The following CABYR variants were observed in gnomAD, a reference collection of about 807,000 sequenced individuals.
The protein encoded by CABYR is calcium binding tyrosine phosphorylation regulated, also known as calcium-binding tyrosine phosphorylation-regulated protein.
Under a neutral mutation model 36.1 loss-of-function variants are expected in CABYR, and 31 were observed. The ratio of observed to expected loss-of-function variants is 0.86; its 90% CI spans 0.64 to 1.16. CABYR has a LOEUF of 1.16. Among genes scored for constraint, CABYR ranks in the 50% most tolerant of loss-of-function variants. CABYR has a pLI of 0.00. For synonymous variants in CABYR, 146 were observed against 160.7 expected, an observed-to-expected ratio of 0.91 and a Z score of 0.69; for missense variants, 429 against 455.8, an observed-to-expected ratio of 0.94 and a Z score of 0.53.
rs2085906728 is a variant in CABYR, at chr18:24,159,945, G to GAAGA, written c.1016_1019dup (p.Asp340GlufsTer5). 1 of 1,614,004 alleles carries GAAGA rather than the reference G, an allele frequency of 6.2e-7. No homozygotes were observed. Among genetic ancestry groups the GAAGA allele is most frequent in the African/African-American group, 1.3e-5 (1 of 74,898 alleles). On this transcript the variant is annotated frameshift_variant, in exon 5 of 6. Coordinates refer to ENST00000399496, the MANE Select transcript of CABYR (RefSeq NM_153769.3). LOFTEE classifies it high-confidence loss of function. The stretch of plus-strand genomic sequence containing the variant: ...TTTCCTTTCTGTTGCTTTCCCAGTA[G>GAAGA]AAGATGTAGCTAAAAAAAGTTCAGG...
At chr18:24,156,935 C>T (rs775180815) in intron 4 of CABYR, 2 of 1,612,332 alleles carry the variant, frequency 1.2e-6, no homozygotes, top group Non-Finnish European at 1.7e-6. Context: ...CTCCAGAAGG[C>T]CTTACTGCAC....
Position 24,149,698 on chromosome 18 carries a change from C to T in CABYR, c.200-6003C>T, listed in dbSNP as rs548930825. On this transcript the variant is annotated intron_variant, in intron 3 of 5. Coordinates refer to ENST00000399496, the MANE Select transcript of CABYR (RefSeq NM_153769.3). ...GGGCTGCAGGTCCCGAGCCCTGCCC[C>T]GCAGGAAGGCAGCTAAGGCCCGGCG... 1.6e-3 allele frequency among the ~76,000 whole-genome samples: 239 copies of T among 152,350 alleles called. 1 individual carries two copies. Among genetic ancestry groups the T allele is most frequent in the African/African-American group, 4.6e-3 (193 of 41,594 alleles).
intron 1 of CABYR, among the ~76,000 whole-genome samples, chr18:24,141,332 A>G (rs1310443198): frequency 1.3e-5 from 2 of 152,328 alleles, no homozygotes; most frequent in African/African-American, 4.8e-5. Flanking sequence ...GAACTATGCC[A>G]CTTAACCCCG....
At chr18:24,156,801 G>A in intron 4 of CABYR, 2 of 1,614,130 alleles carry the variant, frequency 1.2e-6, no homozygotes, top group Non-Finnish European at 1.7e-6. Flanking sequence ...TACTGGGCAG[G>A]AGGAGTCTGG....
intron 3 of CABYR, chr18:24,150,768 G>GTTTTTTTTTT (rs145208159): frequency 8.1e-6 from 1 of 123,096 alleles, no homozygotes. Flanking sequence ...CAGTTTTTTT[G>GTTTTTTTTTT]TTTTTTTGTT....
intron 4 of CABYR, among the ~76,000 whole-genome samples, chr18:24,158,320 CTT>C (rs111636953): frequency 1.4e-4 from 18 of 132,920 alleles, no homozygotes; most frequent in Admixed American, 2.2e-4. Flanking sequence ...AGTATTATTT[CTT>C]TTTTTTTTTT....
chr18:24,146,514 A>G lies in CABYR; in HGVS notation c.199+3101A>G, dbSNP rs147053867. On this transcript the variant is annotated intron_variant, in intron 3 of 5. Transcript: ENST00000399496. ...CAGTGACCCAAGATTGCACCACTGC[A>G]CTAAAGCCTAGGTGACAGAGCAAGA... Among the ~76,000 whole-genome samples the G allele has an allele frequency of 4.3e-4, 66 of 152,192 alleles. No individual in the cohort carries two copies. In the East Asian group the frequency reaches 0.012, roughly 28 times the overall value.
At chr18:24,160,371 G>A (rs568722000) in intron 5 of CABYR, 4 of 306,874 alleles carry the variant, frequency 1.3e-5, no homozygotes, top group African/African-American at 6.5e-5. Flanking sequence ...TGGTAGATGC[G>A]AAAAGGGGAT....
intron 3 of CABYR, among the ~76,000 whole-genome samples, chr18:24,149,574 G>T (rs1337406416): frequency 6.6e-6 from 1 of 152,248 alleles, no homozygotes; most frequent in Non-Finnish European, 1.5e-5. Flanking sequence ...CCCTTGGGTG[G>T]TCGATGGGAC....
chr18:24,149,411 T>C (rs969212815), intron 3 of CABYR, among the ~76,000 whole-genome samples: 7 of 152,112 alleles, frequency 4.6e-5, no homozygotes, highest in Non-Finnish European at 1.0e-4. Flanking sequence ...AGAGTGCCGA[T>C]TGGTGTACTT....
Position 24,143,077 on chromosome 18 carries a change from T to A in CABYR, c.-24-14T>A, listed in dbSNP as rs753891668. 1 of 1,541,528 alleles carries A rather than the reference T, an allele frequency of 6.5e-7. No individual in the cohort carries two copies. The highest frequency in any genetic ancestry group is 1.3e-5 in the South Asian group (1 of 79,750). On this transcript the variant is annotated splice_polypyrimidine_tract_variant and intron_variant, in intron 1 of 5. Transcript: ENST00000399496. ...GTAAAACTAATTACTTCTAAGACTT[T>A]TTCTTCATTCTAGTTGAGTTACAGA...
At chr18:24,140,261 A>C (rs979168900) in intron 1 of CABYR, 2 of 152,152 alleles carry the variant, frequency 1.3e-5, no homozygotes, top group African/African-American at 4.8e-5. Context: ...CTATCTACTC[A>C]CTTTGGGTAC....
chr18:24,161,009 C>T lies in CABYR; in HGVS notation c.*-507C>T, dbSNP rs1253650877. ...TGAAAAGTTCAATGGGAAGCCAGCA[C>T]AAGTGTTTTAAGCAGAAGAATGACT... On this transcript the variant is annotated intron_variant, in intron 5 of 5. Transcript: ENST00000399496. 2.0e-5 allele frequency: 3 copies of T among 152,908 alleles called. No individual in the cohort carries two copies. The East Asian group carries it at 5.7e-4, about 29-fold the overall frequency. The allele number at this position is 152,908 out of a possible 1,614,324, so 9.5% of individuals were successfully genotyped here.
rs2085903355 is a variant in CABYR, at chr18:24,159,862, G to A, written c.932G>A (p.Ser311Asn). The change falls in exon 5 of 6, where the codon AGT becomes AAT. Residue 311 changes from serine to asparagine, a missense_variant. Coordinates refer to ENST00000399496, the MANE Select transcript of CABYR (RefSeq NM_153769.3). ...ADEKYQKHTL[S>N]PQNANPPSGQ... ...GAGAAATACCAGAAACATACCCTAA[G>A]TCCCCAGAATGCTAATCCTCCAAGT... 4 of 1,614,112 alleles carry A rather than the reference G, an allele frequency of 2.5e-6. No individual in the cohort carries two copies. Among genetic ancestry groups the A allele is most frequent in the Non-Finnish European group, 3.4e-6 (4 of 1,180,034 alleles).
intron 3 of CABYR, among the ~76,000 whole-genome samples, chr18:24,147,667 T>TTATCTAGTAGCTGTAAATCTTA (rs2085494003): frequency 6.6e-6 from 1 of 152,018 alleles, no homozygotes; most frequent in Non-Finnish European, 1.5e-5. Flanking sequence ...TACAGATACA[T>TTATCTAGTAGCTGTAAATCTTA]TATCTAGTAG....
At chr18:24,148,884 T>C (rs2085527412) in intron 3 of CABYR, among the ~76,000 whole-genome samples, 1 of 151,988 alleles carries the variant, frequency 6.6e-6, no homozygotes, top group Non-Finnish European at 1.5e-5. Flanking sequence ...AGTGGCAAAA[T>C]TTATTGCAAA....
intron 3 of CABYR, chr18:24,148,637 CCTT>C (rs2085519524): frequency 1.3e-5 from 2 of 153,318 alleles, no homozygotes; most frequent in Admixed American, 6.5e-5. Flanking sequence ...GGAGTTTGCT[CCTT>C]CTGACGTTCG....
chr18:24,157,304 C>A (rs2085816732), intron 4 of CABYR, among the ~76,000 whole-genome samples: 1 of 152,132 alleles, frequency 6.6e-6, no homozygotes, highest in African/African-American at 2.4e-5. Flanking sequence ...AAAATATATT[C>A]ATGTGATCTG....
chr18:24,147,430 T>G (rs1044576637), intron 3 of CABYR, among the ~76,000 whole-genome samples: 3 of 152,182 alleles, frequency 2.0e-5, no homozygotes, highest in Non-Finnish European at 4.4e-5. Flanking sequence ...TCTCCAATGT[T>G]ACGATTTCTA....
Sources: gnomAD v4.1 joint callset for allele counts (sites outside exome capture counted in the v4.1 genomes callset) on GRCh38, gnomAD v4.1.1 for gene constraint, MANE v1.5 for transcripts, NCBI Gene and HGNC (gene_info 2026-07-23, HGNC 2026-07-21) for gene names.